The following SPON1 variants were observed in gnomAD, a reference collection of about 807,000 sequenced individuals.
SPON1 encodes the protein spondin 1.
SPON1 carries 52 observed loss-of-function variants against 111.7 expected under a neutral mutation model. The observed-to-expected ratio is 0.47, with a 90% confidence interval of 0.37 to 0.59. The LOEUF (loss-of-function observed/expected upper bound fraction) is 0.59. Among genes scored for constraint, SPON1 ranks in the 20% least tolerant of loss-of-function variants. SPON1 has a pLI of 0.00. For missense variants in SPON1, 957 were observed against 1,068.5 expected, an observed-to-expected ratio of 0.90 and a Z score of 1.46; for synonymous variants, 410 against 395.8, an observed-to-expected ratio of 1.04 and a Z score of -0.43.
chr11:14,176,724 A>G (rs1192527857), intron 6 of SPON1, among the ~76,000 whole-genome samples: 1 of 152,200 alleles, frequency 6.6e-6, no homozygotes, highest in Non-Finnish European at 1.5e-5. Flanking sequence ...CCCCACCAGT[A>G]GAGAGAGTAC....
intron 6 of SPON1, among the ~76,000 whole-genome samples, chr11:14,200,132 C>T (rs1332932576): frequency 5.3e-5 from 8 of 150,506 alleles, no homozygotes; most frequent in African/African-American, 1.7e-4. Flanking sequence ...ATTTATGTCC[C>T]TATTCTCTAT....
intron 6 of SPON1, among the ~76,000 whole-genome samples, chr11:14,166,787 G>A (rs2133879016): frequency 6.6e-6 from 1 of 152,186 alleles, no homozygotes; most frequent in South Asian, 2.1e-4. Flanking sequence ...TACAAACACA[G>A]TCCAAAGTAA....
intron 3 of SPON1, among the ~76,000 whole-genome samples, chr11:14,050,345 A>G (rs1475317411): frequency 6.6e-6 from 1 of 152,152 alleles, no homozygotes; most frequent in African/African-American, 2.4e-5. Flanking sequence ...ATGGGCCAAA[A>G]CTGGTCCATT....
rs1848669224 is a variant in SPON1 at position 14,046,482 on chromosome 11, A to G, written c.479+4828A>G. Among the ~76,000 whole-genome samples the G allele has an allele frequency of 1.3e-5, 2 of 152,208 alleles. 1 individual carries two copies. Among genetic ancestry groups the G allele is most frequent in the South Asian group, 4.1e-4 (2 of 4,828 alleles). On this transcript the variant is annotated intron_variant, in intron 3 of 15. Transcript: ENST00000576479. ...CCAAATGGGTAGTTGTCCCCCATCC[A>G]TTTATCAAATAGTTTATTCTTTCCT... is the stretch of plus-strand genomic sequence containing the variant.
At chr11:14,139,557 T>G (rs545993354) in intron 6 of SPON1, among the ~76,000 whole-genome samples, 59 of 152,342 alleles carry the variant, frequency 3.9e-4, no homozygotes, top group Non-Finnish European at 6.8e-4. Context: ...TCAATAACTT[T>G]ATAAATATTT....
At chr11:14,011,935 G>A (rs1282146913) in intron 2 of SPON1, among the ~76,000 whole-genome samples, 4 of 152,154 alleles carry the variant, frequency 2.6e-5, no homozygotes, top group Non-Finnish European at 1.5e-5. Context: ...TCAAACCTCA[G>A]TTTCCCTGTG....
rs970279913 is a variant in SPON1, at chr11:13,982,871, C to T, written c.263C>T (p.Ser88Phe). The T allele has an allele frequency of 6.4e-7, 1 of 1,561,294 alleles. No individual in the cohort carries two copies. The highest frequency in any genetic ancestry group is 8.7e-7 in the Non-Finnish European group (1 of 1,151,600). Residue 88 changes from serine to phenylalanine, a missense_variant, in exon 2 of 16, where the codon TCC becomes TTC. Transcript: ENST00000576479. ...GTAACACTTTCAGCTGCTCCTCCCT[C>T]CTACTTCAGAGGATTCACATTAATT... ...YRVTLSAAPPSYFRGFTLIAL... is the reference protein window; with the variant it reads ...YRVTLSAAPPFYFRGFTLIAL...
At chr11:14,180,490 A>C (rs1015760347) in intron 6 of SPON1, among the ~76,000 whole-genome samples, 1 of 151,342 alleles carries the variant, frequency 6.6e-6, no homozygotes, top group African/African-American at 2.4e-5. Flanking sequence ...CCATTCCCCT[A>C]CTCCTTTCAT....
At chr11:14,022,580 G>C (rs1016052772) in intron 2 of SPON1, among the ~76,000 whole-genome samples, 12 of 152,250 alleles carry the variant, frequency 7.9e-5, no homozygotes, top group Admixed American at 5.9e-4. Flanking sequence ...CTCTGAATCT[G>C]TTTCCTCCTC....
At chr11:13,978,653 G>T (rs1554909243) in intron 1 of SPON1, among the ~76,000 whole-genome samples, 2 of 152,170 alleles carry the variant, frequency 1.3e-5, no homozygotes, top group African/African-American at 2.4e-5. Flanking sequence ...TAGGGTCCAA[G>T]AGAAAAGGCA....
At chr11:14,261,860 C>G (rs936549199) in intron 14 of SPON1, among the ~76,000 whole-genome samples, 1 of 152,044 alleles carries the variant, frequency 6.6e-6, no homozygotes, top group African/African-American at 2.4e-5. Flanking sequence ...AAAAAAAATA[C>G]CATGATCCCC....
chr11:14,183,330 T>G (rs1270255595), intron 6 of SPON1, among the ~76,000 whole-genome samples: 1 of 152,198 alleles, frequency 6.6e-6, no homozygotes, highest in African/African-American at 2.4e-5. Context: ...GAAGAGCTAT[T>G]TTTCTCCCTC....
rs782311443 is a variant in SPON1, at chr11:14,260,581, G to T, written c.1832-7G>T. The T allele has an allele frequency of 1.9e-6, 3 of 1,611,892 alleles. No individual in the cohort carries two copies. The highest frequency in any genetic ancestry group is 2.5e-6 in the Non-Finnish European group (3 of 1,178,550). On this transcript the variant is annotated splice_region_variant and splice_polypyrimidine_tract_variant and intron_variant, in intron 13 of 15. Coordinates refer to ENST00000576479, the MANE Select transcript of SPON1 (RefSeq NM_006108.4). The stretch of plus-strand genomic sequence containing the variant: ...GTTCTCAGTGGCAAACCTGGTTCTT[G>T]ATCTAGACACCATCCCATGCTTGCT...
At chr11:14,099,713 A>G (rs1469839550) in intron 5 of SPON1, among the ~76,000 whole-genome samples, 1 of 152,118 alleles carries the variant, frequency 6.6e-6, no homozygotes, top group Non-Finnish European at 1.5e-5. Context: ...CATCACTATA[A>G]AGAAATACCT....
At chr11:14,136,634 T>C (rs1847595511) in intron 6 of SPON1, among the ~76,000 whole-genome samples, 3 of 152,196 alleles carry the variant, frequency 2.0e-5, no homozygotes, top group South Asian at 4.1e-4. Flanking sequence ...TCACTCTGAC[T>C]CCTGCTATAA....
At chr11:14,149,387 CTG>C (rs1275770081) in intron 6 of SPON1, among the ~76,000 whole-genome samples, 1 of 152,024 alleles carries the variant, frequency 6.6e-6, no homozygotes, top group Non-Finnish European at 1.5e-5. Flanking sequence ...ACAACATGCA[CTG>C]TGTTGTTGTT....
At chr11:14,189,263 C>CA (rs1564927187) in intron 6 of SPON1, among the ~76,000 whole-genome samples, 2 of 152,106 alleles carry the variant, frequency 1.3e-5, no homozygotes, top group Non-Finnish European at 2.9e-5. Flanking sequence ...ATACACAGCT[C>CA]AAAACAATAT....
intron 6 of SPON1, among the ~76,000 whole-genome samples, chr11:14,173,581 GT>G (rs1554932755): frequency 1.3e-5 from 2 of 152,150 alleles, no homozygotes; most frequent in Non-Finnish European, 2.9e-5. Context: ...GATTTTTAGA[GT>G]TTCCGGTTTT....
At chr11:14,137,495 C>CT (rs1847606248) in intron 6 of SPON1, among the ~76,000 whole-genome samples, 2 of 152,184 alleles carry the variant, frequency 1.3e-5, no homozygotes, top group Admixed American at 1.3e-4. Flanking sequence ...TGCTGGATAT[C>CT]TACTTTTCGC....
Sources: gnomAD v4.1 joint callset for allele counts (sites outside exome capture counted in the v4.1 genomes callset) on GRCh38, gnomAD v4.1.1 for gene constraint, MANE v1.5 for transcripts, NCBI Gene and HGNC (gene_info 2026-07-23, HGNC 2026-07-21) for gene names.